The following PDE6A variants were observed in gnomAD, a reference collection of about 807,000 sequenced individuals.
PDE6A encodes the protein rod cGMP-specific 3',5'-cyclic phosphodiesterase subunit alpha.
In PDE6A, 84 loss-of-function variants were observed where a neutral mutation model predicts 106.3. That is an observed-to-expected ratio of 0.79 (90% CI 0.66 to 0.95). The LOEUF is 0.95. PDE6A is among the 40% of genes least tolerant of loss of function. PDE6A has a pLI of 0.00. For missense variants in PDE6A, 1,052 were observed against 1,084.9 expected, an observed-to-expected ratio of 0.97 and a Z score of 0.43; for synonymous variants, 394 against 386.6, an observed-to-expected ratio of 1.02 and a Z score of -0.23.
chr5:149,932,476 C>T, intron 3 of PDE6A: 3 of 1,403,284 alleles, frequency 2.1e-6, no homozygotes, highest in Non-Finnish European at 3.0e-6. Context: ...GAAACATCCT[C>T]ATTATTTCCT....
intron 17 of PDE6A, among the ~76,000 whole-genome samples, chr5:149,876,260 A>AT (rs151283357): frequency 6.6e-6 from 1 of 150,608 alleles, no homozygotes; most frequent in Non-Finnish European, 1.5e-5. Context: ...TATAGGGTGG[A>AT]TTTTTTAAAA....
At chr5:149,892,640 G>A (rs1401583078) in intron 13 of PDE6A, among the ~76,000 whole-genome samples, 11 of 152,092 alleles carry the variant, frequency 7.2e-5, no homozygotes, top group East Asian at 3.9e-4. Flanking sequence ...ACAGGCGTGC[G>A]CCACCATACC....
At position 149,884,203 on chromosome 5, in the gene PDE6A, T is replaced by A. The variant is rs994113930; in HGVS notation, c.2027+276A>T. 1.5e-3 allele frequency among the ~76,000 whole-genome samples: 219 copies of A among 142,010 alleles called. 1 individual carries two copies. The highest frequency in any genetic ancestry group is 3.6e-3 in the African/African-American group (137 of 37,622). The allele number at this position is 142,010 out of a possible 152,430, so 93.2% of individuals were successfully genotyped here. A position where few individuals can be genotyped will look rare whatever the true frequency, so the allele number is the denominator to read the frequency against. ...TCTCAAAAAAGAAAAAAAAAAAATATATATATATATATACACACACACATA... is the reference window on the plus strand; with the variant it reads ...TCTCAAAAAAGAAAAAAAAAAAATAAATATATATATATACACACACACATA... On this transcript the variant is annotated intron_variant, in intron 16 of 21. Coordinates refer to ENST00000255266, the MANE Select transcript of PDE6A (RefSeq NM_000440.3).
intron 7 of PDE6A, among the ~76,000 whole-genome samples, chr5:149,906,517 G>A (rs1393774857): frequency 9.1e-5 from 1 of 10,972 alleles, no homozygotes; most frequent in African/African-American, 7.5e-4. Flanking sequence ...CAGAGACACT[G>A]TCAAAAAAAA....
intron 17 of PDE6A, among the ~76,000 whole-genome samples, chr5:149,882,681 A>G (rs1006389044): frequency 6.6e-6 from 1 of 152,130 alleles, no homozygotes; most frequent in Non-Finnish European, 1.5e-5. Flanking sequence ...TAGCACAGCT[A>G]TATTGTGGGA....
intron 13 of PDE6A, among the ~76,000 whole-genome samples, chr5:149,887,438 A>G (rs2113561208): frequency 6.6e-6 from 1 of 152,338 alleles, no homozygotes; most frequent in Middle Eastern, 3.4e-3. Context: ...CCAAGGTAGG[A>G]GGACCACTTG....
At chr5:149,921,736 A>T in intron 4 of PDE6A, 27 bp from the exon 5 acceptor site, 3 of 1,571,508 alleles carry the variant, frequency 1.9e-6, no homozygotes, top group South Asian at 1.1e-5. Flanking sequence ...CAATAATTAC[A>T]TGTTTTGAAA....
intron 4 of PDE6A, among the ~76,000 whole-genome samples, chr5:149,927,059 G>A (rs529487658): frequency 5.9e-5 from 9 of 152,070 alleles, no homozygotes; most frequent in East Asian, 5.8e-4. Context: ...ACTTAATGGC[G>A]GGGATATGCT....
At chr5:149,930,894 G>GT (rs1754013419) in intron 4 of PDE6A, 134 bp downstream of exon 4, 12 of 889,342 alleles carry the variant, frequency 1.3e-5, no homozygotes, top group Non-Finnish European at 2.2e-5. Context: ...AGAGACCTAT[G>GT]TAAGACTTTC....
At chr5:149,938,728 T>A (rs1466853835) in intron 1 of PDE6A, among the ~76,000 whole-genome samples, 1 of 152,202 alleles carries the variant, frequency 6.6e-6, no homozygotes, top group Non-Finnish European at 1.5e-5. Context: ...AACTAAAATA[T>A]CATTCTTTGT....
chr5:149,936,438 C>T (rs1754187704), intron 1 of PDE6A, among the ~76,000 whole-genome samples: 1 of 152,166 alleles, frequency 6.6e-6, no homozygotes, highest in South Asian at 2.1e-4. Flanking sequence ...TGATGAGTTC[C>T]TGAGCACGTG....
intron 5 of PDE6A, among the ~76,000 whole-genome samples, chr5:149,919,357 A>G (rs1753640462): frequency 6.6e-6 from 1 of 152,168 alleles, no homozygotes; most frequent in Non-Finnish European, 1.5e-5. Flanking sequence ...AAATATAAAA[A>G]TTAGCCAGAC....
intron 20 of PDE6A, among the ~76,000 whole-genome samples, chr5:149,865,446 C>T (rs1469370460): frequency 6.6e-6 from 1 of 151,298 alleles, no homozygotes; most frequent in Non-Finnish European, 1.5e-5. Flanking sequence ...CTCATGTCCT[C>T]AATGAAAAAA....
At chr5:149,913,630 T>TAGCCC (rs1182352121) in intron 6 of PDE6A, among the ~76,000 whole-genome samples, 3 of 152,106 alleles carry the variant, frequency 2.0e-5, no homozygotes, top group Non-Finnish European at 4.4e-5. Context: ...GTAAATCCCT[T>TAGCCC]CAGTTGGACA....
intron 3 of PDE6A, chr5:149,932,441 G>T: frequency 2.2e-6 from 3 of 1,393,396 alleles, no homozygotes; most frequent in South Asian, 1.2e-5. Flanking sequence ...ACTGAATAAG[G>T]TCAAGATCTG....
chr5:149,866,061 A>G (rs1760319442), intron 20 of PDE6A, 109 bp downstream of exon 20: 1 of 787,122 alleles, frequency 1.3e-6, no homozygotes, highest in Non-Finnish European at 2.3e-6. Flanking sequence ...AGCGCTTTGT[A>G]AAGTATCACC....
intron 4 of PDE6A, among the ~76,000 whole-genome samples, chr5:149,927,950 C>A (rs1390183470): frequency 6.6e-6 from 1 of 151,716 alleles, no homozygotes; most frequent in South Asian, 2.1e-4. Context: ...CACACTTTGT[C>A]CCCCTGGAAC....
intron 17 of PDE6A, among the ~76,000 whole-genome samples, chr5:149,881,834 G>A (rs907961292): frequency 3.9e-5 from 6 of 152,024 alleles, no homozygotes; most frequent in Non-Finnish European, 8.8e-5. Flanking sequence ...AGGGTGGATG[G>A]CTTAAGCTCA....
chr5:149,944,089 A>G, intron 1 of PDE6A, 111 bp downstream of exon 1: 1 of 777,820 alleles, frequency 1.3e-6, no homozygotes, highest in Non-Finnish European at 2.3e-6. Context: ...AAGAAGAAGC[A>G]CCATGTTGTC....
Sources: gnomAD v4.1 joint callset for allele counts (sites outside exome capture counted in the v4.1 genomes callset) on GRCh38, gnomAD v4.1.1 for gene constraint, MANE v1.5 for transcripts, NCBI Gene and HGNC (gene_info 2026-07-23, HGNC 2026-07-21) for gene names.